Variants in MYOF observed in about 807,000 individuals in gnomAD.
MYOF encodes the protein fer-1-like 3, myoferlin.
MYOF carries 244 observed loss-of-function variants against 284.2 expected under a neutral mutation model. The observed-to-expected ratio is 0.86, with a 90% confidence interval of 0.77 to 0.95. The LOEUF (loss-of-function observed/expected upper bound fraction) is 0.95, where lower values mean the gene tolerates loss of function less well. Among genes scored for constraint, MYOF ranks in the 40% least tolerant of loss-of-function variants. MYOF has a pLI of 0.00. For missense variants in MYOF, 2,496 were observed against 2,560.6 expected, an observed-to-expected ratio of 0.97 and a Z score of 0.54; for synonymous variants, 904 against 919.7, an observed-to-expected ratio of 0.98 and a Z score of 0.31.
intron 25 of MYOF, among the ~76,000 whole-genome samples, chr10:93,368,537 T>A (rs1344044216): frequency 2.0e-5 from 3 of 152,174 alleles, no homozygotes; most frequent in Non-Finnish European, 4.4e-5. Flanking sequence ...GTGCCTAGCA[T>A]GAAGCCACCA....
chr10:93,389,259 G>T (rs1846556363), intron 17 of MYOF, 105 bp from the exon 18 acceptor site: 2 of 1,340,506 alleles, frequency 1.5e-6, no homozygotes, highest in Admixed American at 3.0e-5. Context: ...CCTCCATTTT[G>T]GGAGTTAGTT....
intron 5 of MYOF, 138 bp downstream of exon 5, chr10:93,425,933 T>G: frequency 1.3e-6 from 1 of 778,078 alleles, no homozygotes; most frequent in South Asian, 1.7e-5. Context: ...CAGCCCCACC[T>G]GCCTCTCGGG....
At chr10:93,332,713 G>A (rs1229695292) in intron 43 of MYOF, among the ~76,000 whole-genome samples, 3 of 151,988 alleles carry the variant, frequency 2.0e-5, no homozygotes, top group African/African-American at 4.8e-5. Context: ...CGGGCGTGGT[G>A]GCAGTTGCCT....
intron 28 of MYOF, 120 bp downstream of exon 28, chr10:93,361,332 G>T: frequency 1.1e-6 from 1 of 909,406 alleles, no homozygotes. Context: ...TGGCCTGGGG[G>T]CTGGGGACTC....
intron 3 of MYOF, among the ~76,000 whole-genome samples, chr10:93,444,699 T>C (rs550286047): frequency 7.9e-5 from 12 of 152,370 alleles, no homozygotes; most frequent in Admixed American, 1.3e-4. Flanking sequence ...GAACAGCAAA[T>C]GCAAAAACTC....
intron 4 of MYOF, among the ~76,000 whole-genome samples, chr10:93,429,152 T>C (rs948524983): frequency 1.3e-5 from 2 of 152,116 alleles, no homozygotes; most frequent in African/African-American, 2.4e-5. Context: ...GAGTTCTCAT[T>C]CTATTAGTTA....
At chr10:93,313,347 G>T in intron 50 of MYOF, 137 bp from the exon 51 acceptor site, 1 of 758,616 alleles carries the variant, frequency 1.3e-6, no homozygotes, top group Non-Finnish European at 2.0e-6. Context: ...GAGAAAGGGA[G>T]CCTGGTGGAC....
intron 43 of MYOF, among the ~76,000 whole-genome samples, chr10:93,332,948 C>T (rs772563764): frequency 6.6e-6 from 1 of 152,100 alleles, no homozygotes; most frequent in South Asian, 2.1e-4. Flanking sequence ...GGAGGGGGGT[C>T]CCCGGAAAAA....
At chr10:93,453,921 G>T (rs150595320) in intron 2 of MYOF, among the ~76,000 whole-genome samples, 3 of 151,852 alleles carry the variant, frequency 2.0e-5, no homozygotes, top group Admixed American at 1.3e-4. Flanking sequence ...AGTGGCTCAT[G>T]CCTGTAATCC....
At chr10:93,470,470 G>A (rs56044134) in intron 1 of MYOF, among the ~76,000 whole-genome samples, 2 of 151,314 alleles carry the variant, frequency 1.3e-5, no homozygotes, top group South Asian at 2.1e-4. Flanking sequence ...GCACGATCTC[G>A]GCTCACTGCA....
rs964557653 is a variant in MYOF, at chr10:93,416,568, T to C, written c.434-6829A>G. Among the ~76,000 whole-genome samples, 65 of 149,852 alleles carry C rather than the reference T, an allele frequency of 4.3e-4. 1 individual carries two copies. The highest frequency in any genetic ancestry group is 1.6e-4 in the Non-Finnish European group (11 of 67,720). Reference sequence around the variant, plus strand: ...AGAAACTTCTCTCATCCCATCTTCTTATAATATATGAACCCTGGCTTTGAT... The same window carrying C: ...AGAAACTTCTCTCATCCCATCTTCTCATAATATATGAACCCTGGCTTTGAT... On this transcript the variant is annotated intron_variant, in intron 5 of 53. Transcript: ENST00000359263.
chr10:93,378,562 GAGATT>G (rs1435571600), intron 21 of MYOF, among the ~76,000 whole-genome samples: 1 of 151,510 alleles, frequency 6.6e-6, no homozygotes, highest in Non-Finnish European at 1.5e-5. Context: ...AGCCCTGGTA[GAGATT>G]AGATCTTTAA....
chr10:93,329,947 C>G (rs1475967592), intron 43 of MYOF, 113 bp from the exon 44 acceptor site: 1 of 1,086,914 alleles, frequency 9.2e-7, no homozygotes, highest in Non-Finnish European at 1.4e-6. Context: ...TGCTGGAGGA[C>G]ATCTGAGCAG....
At chr10:93,425,672 C>A (rs1229492979) in intron 5 of MYOF, 1 of 200,374 alleles carries the variant, frequency 5.0e-6, no homozygotes, top group Non-Finnish European at 1.0e-5. Context: ...GAGAGCAGAG[C>A]CCGGTGGTGG....
chr10:93,350,121 T>G, intron 35 of MYOF, 152 bp from the exon 36 acceptor site: 2 of 779,602 alleles, frequency 2.6e-6, no homozygotes, highest in Non-Finnish European at 4.0e-6. Context: ...AGAAAGTGGT[T>G]TTGCCCCTTT....
chr10:93,310,295 C>T (rs1245564768), intron 52 of MYOF, 128 bp from the exon 53 acceptor site: 5 of 1,241,808 alleles, frequency 4.0e-6, no homozygotes, highest in Non-Finnish European at 5.6e-6. Flanking sequence ...TGTTCCCCTT[C>T]GTTGACTGAG....
Position 93,339,367 on chromosome 10 carries a change from T to TTGTGTG in MYOF, c.4338+780_4338+785dup, listed in dbSNP as rs35070199. Reference sequence around the variant, plus strand: ...ATATGTTACATTATATGCTTCTTATTTGTGTGTGTGTGTGTGTGTGTGTGT... The same window carrying TTGTGTG: ...ATATGTTACATTATATGCTTCTTATTTGTGTGTGTGTGTGTGTGTGTGTGTGTGTGT... On this transcript the variant is annotated intron_variant, in intron 39 of 53. Coordinates refer to ENST00000359263, the MANE Select transcript of MYOF (RefSeq NM_013451.4). Among the ~76,000 whole-genome samples, 311 of 150,330 alleles carry TTGTGTG rather than the reference T, an allele frequency of 2.1e-3. 3 individuals are homozygous for TTGTGTG. The highest frequency in any genetic ancestry group is 5.7e-3 in the South Asian group (27 of 4,734).
chr10:93,453,347 G>C (rs938913368), intron 2 of MYOF, among the ~76,000 whole-genome samples: 1 of 152,178 alleles, frequency 6.6e-6, no homozygotes, highest in Admixed American at 6.5e-5. Context: ...TGTATTTTTA[G>C]TAGAGACAGG....
chr10:93,420,977 G>A (rs1309019568), intron 5 of MYOF, among the ~76,000 whole-genome samples: 1 of 152,106 alleles, frequency 6.6e-6, no homozygotes, highest in Non-Finnish European at 1.5e-5. Context: ...CAGCACTTTG[G>A]GAGGCCAAGG....
Sources: gnomAD v4.1 joint callset for allele counts (sites outside exome capture counted in the v4.1 genomes callset) on GRCh38, gnomAD v4.1.1 for gene constraint, MANE v1.5 for transcripts, NCBI Gene and HGNC (gene_info 2026-07-23, HGNC 2026-07-21) for gene names.